Variants in PIEZO2 observed in about 807,000 individuals in gnomAD.
The protein encoded by PIEZO2 is piezo-type mechanosensitive ion channel component 2.
PIEZO2 carries 172 observed loss-of-function variants against 337.3 expected under a neutral mutation model. The ratio of observed to expected loss-of-function variants is 0.51; its 90% CI spans 0.45 to 0.58. The LOEUF (loss-of-function observed/expected upper bound fraction) is 0.58. PIEZO2 is among the 20% of genes least tolerant of loss of function. PIEZO2 has a pLI of 0.00. For missense variants in PIEZO2, 3,028 were observed against 3,391.3 expected, an observed-to-expected ratio of 0.89 and a Z score of 2.66; for synonymous variants, 1,251 against 1,228.5, an observed-to-expected ratio of 1.02 and a Z score of -0.38.
chr18:10,679,916 A>G (rs2034187711), intron 52 of PIEZO2, among the ~76,000 whole-genome samples: 1 of 152,216 alleles, frequency 6.6e-6, no homozygotes, highest in South Asian at 2.1e-4. Context: ...AACAGCAACA[A>G]CAACAAAAAC....
intron 45 of PIEZO2, among the ~76,000 whole-genome samples, chr18:10,697,160 C>T (rs1368736171): frequency 6.6e-6 from 1 of 152,170 alleles, no homozygotes; most frequent in Non-Finnish European, 1.5e-5. Context: ...GTCTGTCTAA[C>T]CTTTGCCCTA....
Position 10,704,523 on chromosome 18 carries a change from G to A in PIEZO2, c.6129C>T (p.Ile2043=). The A allele has an allele frequency of 6.5e-7, 1 of 1,537,256 alleles. No individual in the cohort carries two copies. The change falls in exon 42 of 56, where the codon ATC becomes ATT. Residue 2043 remains isoleucine, a synonymous_variant. Coordinates refer to ENST00000674853, the MANE Select transcript of PIEZO2 (RefSeq NM_001378183.1). ...AGGCAGAGACCATGTGGTTGAGGATGATCACGAAGTAGCACACCATCTCCG... is the reference window on the plus strand; with the variant it reads ...AGGCAGAGACCATGTGGTTGAGGATAATCACGAAGTAGCACACCATCTCCG... ...ARSEMVCYFV[I]ILNHMVSASM... is the part of the protein sequence containing the mutation.
At chr18:10,910,875 G>T (rs1448882531) in intron 4 of PIEZO2, among the ~76,000 whole-genome samples, 1 of 151,984 alleles carries the variant, frequency 6.6e-6, no homozygotes, top group African/African-American at 2.4e-5. Context: ...AGCTAGGGGA[G>T]AGTCAACCAT....
chr18:11,044,376 CAACT>C lies in PIEZO2; in HGVS notation c.160+21747_160+21750del, dbSNP rs1200117244. On this transcript the variant is annotated intron_variant, in intron 2 of 55. Transcript: ENST00000674853. The stretch of plus-strand genomic sequence containing the variant: ...TCTTTGCACCTGTAAGGATAACACT[CAACT>C]AACACAGTACGGCACTTTGAGATGC... Among the ~76,000 whole-genome samples, 5 of 152,226 alleles carry C rather than the reference CAACT, an allele frequency of 3.3e-5. No homozygotes were observed. In the East Asian group the frequency reaches 9.7e-4, roughly 29 times the overall value.
chr18:10,692,112 T>G (rs188713262), intron 47 of PIEZO2, among the ~76,000 whole-genome samples: 35 of 152,132 alleles, frequency 2.3e-4, no homozygotes, highest in Non-Finnish European at 4.6e-4. Flanking sequence ...TCCAGGTGAA[T>G]AGTGAAGAGA....
Position 10,807,114 on chromosome 18 carries a change from G to A in PIEZO2, c.1078C>T (p.Leu360Phe). 6.5e-7 allele frequency: 1 copy of A among 1,534,046 alleles called. No homozygotes were observed. The highest frequency in any genetic ancestry group is 8.7e-7 in the Non-Finnish European group (1 of 1,145,366). Residue 360 changes from leucine to phenylalanine, a missense_variant and splice_region_variant, in exon 8 of 56, where the codon CTT (leucine) becomes TTT (phenylalanine). Leu to Phe is a conservative substitution (Grantham distance 22, BLOSUM62 0). Coordinates refer to ENST00000674853, the MANE Select transcript of PIEZO2 (RefSeq NM_001378183.1). ...CATGAAAATGTTTTTGTCCTTACAA[G>A]GGGCTCTTGCAGCCAGATGCGGATC... ...TLIRIWLQEP[L>F]VQDEGTKEED... is the part of the protein sequence containing the mutation.
In PIEZO2 at chr18:10,987,184, T is replaced by A. The variant is rs559915010; in HGVS notation, c.161-7524A>T. Among the ~76,000 whole-genome samples, 55 of 152,128 alleles carry A rather than the reference T, an allele frequency of 3.6e-4. No individual in the cohort carries two copies. The South Asian group carries it at 0.011, about 29-fold the overall frequency. On this transcript the variant is annotated intron_variant, in intron 2 of 55. Transcript: ENST00000674853. Reference sequence around the variant, plus strand: ...ATATCTATCAAAATTCCAATGACATTTTTCACAGAAATAGAAAAAATTATC... The same window carrying A: ...ATATCTATCAAAATTCCAATGACATATTTCACAGAAATAGAAAAAATTATC...
At chr18:10,918,584 G>A (rs1314971278) in intron 3 of PIEZO2, among the ~76,000 whole-genome samples, 7 of 151,924 alleles carry the variant, frequency 4.6e-5, no homozygotes, top group Admixed American at 2.0e-4. Flanking sequence ...TCAATGGTGC[G>A]CTTTTCAAAA....
chr18:10,741,418 CAGAA>C (rs1164554312), intron 32 of PIEZO2, among the ~76,000 whole-genome samples: 1 of 152,148 alleles, frequency 6.6e-6, no homozygotes, highest in Non-Finnish European at 1.5e-5. Flanking sequence ...ATTGTATTAA[CAGAA>C]AGGAAGCATC....
intron 1 of PIEZO2, among the ~76,000 whole-genome samples, chr18:11,113,590 G>A (rs971496550): frequency 9.9e-5 from 15 of 152,102 alleles, no homozygotes; most frequent in African/African-American, 3.6e-4. Flanking sequence ...TACAGACCTG[G>A]GAGGCCCTCG....
At chr18:10,791,478 T>C (rs2039409174) in intron 13 of PIEZO2, 154 bp from the exon 14 acceptor site, 2 of 757,134 alleles carry the variant, frequency 2.6e-6, no homozygotes, top group Non-Finnish European at 3.7e-6. Context: ...TGACTTCAGC[T>C]GAGATTCACT....
At position 10,815,267 on chromosome 18, in the gene PIEZO2, T is replaced by C. The variant is rs558754194; in HGVS notation, c.918-7993A>G. 2.1e-4 allele frequency among the ~76,000 whole-genome samples: 32 copies of C among 152,266 alleles called. No individual in the cohort carries two copies. Among genetic ancestry groups the C allele is most frequent in the African/African-American group, 7.7e-4 (32 of 41,548 alleles). ...AAATTGCCTTAGCATGAACTCAGGA[T>C]AAACTTAAAATCAGAGGCTATAGGG... is the stretch of plus-strand genomic sequence containing the variant. On this transcript the variant is annotated intron_variant, in intron 7 of 55. Transcript: ENST00000674853. This position sits in a 1 kb window ranked among gnomAD's most constrained non-coding sequence, Gnocchi z 4.1.
At chr18:10,693,356 T>TGTGTGTGTGTGTGTGTGTGTGTG (rs2034937855) in intron 47 of PIEZO2, among the ~76,000 whole-genome samples, 1 of 89,974 alleles carries the variant, frequency 1.1e-5, no homozygotes, top group Admixed American at 1.0e-4. Context: ...AATCTGGATT[T>TGTGTGTGTGTGTGTGTGTGTGTG]TGTGTGTGTG....
intron 2 of PIEZO2, among the ~76,000 whole-genome samples, chr18:11,050,524 TACACACACACACAC>T (rs56107549): frequency 2.0e-5 from 3 of 148,964 alleles, no homozygotes; most frequent in Admixed American, 6.7e-5. Flanking sequence ...GTGTTTATTT[TACACACACACACAC>T]ACACACACAC....
At position 11,035,284 on chromosome 18, in the gene PIEZO2, T is replaced by C. The variant is rs1276683846; in HGVS notation, c.160+30843A>G. Among the ~76,000 whole-genome samples the C allele has an allele frequency of 6.6e-6, 1 of 151,584 alleles. No homozygotes were observed. Among genetic ancestry groups the C allele is most frequent in the African/African-American group, 2.4e-5 (1 of 41,086 alleles). On this transcript the variant is annotated intron_variant, in intron 2 of 55. Transcript: ENST00000674853. The surrounding 1 kb of genome is among the most constrained non-coding windows in gnomAD (Gnocchi z 4.3). ...TGTTAGTTCACGGAGAGCTGGTTGT[T>C]TAAAAAGCCTGGCACCTTCTCTCTC...
intron 1 of PIEZO2, among the ~76,000 whole-genome samples, chr18:11,086,237 AG>A (rs2038903912): frequency 6.6e-6 from 1 of 152,168 alleles, no homozygotes; most frequent in South Asian, 2.1e-4. Context: ...ATCTCAAAAC[AG>A]GGCCGGGCGC....
chr18:10,806,365 A>T (rs917017082), intron 8 of PIEZO2, among the ~76,000 whole-genome samples: 4 of 152,226 alleles, frequency 2.6e-5, no homozygotes, highest in African/African-American at 4.8e-5. Context: ...TTTAGGGGAA[A>T]GAAAAGCAGG....
chr18:10,843,847 T>C (rs1370025320), intron 7 of PIEZO2, among the ~76,000 whole-genome samples: 2 of 152,208 alleles, frequency 1.3e-5, no homozygotes, highest in African/African-American at 2.4e-5. Context: ...ACCAATGGGC[T>C]ACCTCATGGT....
chr18:10,885,682 T>A (rs1464788579), intron 4 of PIEZO2, among the ~76,000 whole-genome samples: 1 of 152,128 alleles, frequency 6.6e-6, no homozygotes, highest in African/African-American at 2.4e-5. Context: ...TGGAGAGGTA[T>A]TGGGGAACAT....
Sources: gnomAD v4.1 joint callset for allele counts (sites outside exome capture counted in the v4.1 genomes callset) on GRCh38, gnomAD v4.1.1 for gene constraint, Gnocchi (gnomAD v3.1) non-coding constraint, MANE v1.5 for transcripts, NCBI Gene and HGNC (gene_info 2026-07-23, HGNC 2026-07-21) for gene names.